Variants in SLC35F4 observed in about 807,000 individuals in gnomAD.
SLC35F4 encodes chromosome 14 open reading frame 36.
A neutral mutation model predicts 44.2 loss-of-function variants in SLC35F4; 24 were observed. That is an observed-to-expected ratio of 0.54 (90% CI 0.39 to 0.76). The LOEUF is 0.76. SLC35F4 is among the 30% of genes least tolerant of loss of function. SLC35F4 has a pLI of 0.00. For synonymous variants in SLC35F4, 238 were observed against 223.6 expected (o/e 1.06, Z -0.57); for missense variants, 562 against 586.1 (o/e 0.96, Z 0.42).
intron 1 of SLC35F4, among the ~76,000 whole-genome samples, chr14:57,706,155 T>C (rs984374547): frequency 6.6e-6 from 1 of 152,204 alleles, no homozygotes; most frequent in African/African-American, 2.4e-5. Context: ...CTGTGAATGA[T>C]CGGTTACTAG....
intron 1 of SLC35F4, among the ~76,000 whole-genome samples, chr14:57,614,433 C>T (rs933636498): frequency 2.0e-5 from 3 of 152,150 alleles, no homozygotes; most frequent in South Asian, 4.1e-4. Flanking sequence ...ACAGGTAACC[C>T]ATTAGCATCA....
chr14:57,709,303 C>T (rs1594850864), intron 1 of SLC35F4, among the ~76,000 whole-genome samples: 1 of 152,262 alleles, frequency 6.6e-6, no homozygotes. Context: ...GACCAAGGAG[C>T]CCTCTGGTGG....
At chr14:57,593,692 T>C (rs1288223813) in intron 2 of SLC35F4, among the ~76,000 whole-genome samples, 3 of 152,212 alleles carry the variant, frequency 2.0e-5, no homozygotes, top group Admixed American at 1.3e-4. Context: ...CCAGGAGTCA[T>C]TGTCTAACCA....
chr14:57,925,356 T>G (rs1342621301), intron 1 of SLC35F4, among the ~76,000 whole-genome samples: 7 of 144,118 alleles, frequency 4.9e-5, no homozygotes, highest in Non-Finnish European at 1.5e-5. Flanking sequence ...CCCCAAATAA[T>G]GAAGAGTTTT....
At chr14:57,915,084 C>T (rs1889291951) in intron 1 of SLC35F4, among the ~76,000 whole-genome samples, 1 of 150,676 alleles carries the variant, frequency 6.6e-6, no homozygotes, top group Non-Finnish European at 1.5e-5. Flanking sequence ...AGGCTTACTG[C>T]TTGTACCTTC....
intron 1 of SLC35F4, among the ~76,000 whole-genome samples, chr14:57,788,530 C>T (rs569102819): frequency 5.9e-5 from 9 of 152,216 alleles, no homozygotes; most frequent in Non-Finnish European, 1.0e-4. Flanking sequence ...AAATGAGTCT[C>T]AATAAATTTA....
chr14:57,911,989 C>T (rs1691360929), intron 1 of SLC35F4, among the ~76,000 whole-genome samples: 1 of 151,700 alleles, frequency 6.6e-6, no homozygotes, highest in African/African-American at 2.4e-5. Flanking sequence ...TGTTTATTTC[C>T]TGTTGTATGA....
intron 1 of SLC35F4, among the ~76,000 whole-genome samples, chr14:57,920,834 A>T (rs1889426376): frequency 6.6e-6 from 1 of 152,232 alleles, no homozygotes; most frequent in Admixed American, 6.5e-5. Context: ...TCCCTTCCAC[A>T]TTGAGAGACT....
intron 1 of SLC35F4, among the ~76,000 whole-genome samples, chr14:57,878,674 CCTT>C (rs1888454242): frequency 1.3e-5 from 2 of 152,258 alleles, no homozygotes; most frequent in South Asian, 2.1e-4. Context: ...TCAAGAAAGT[CCTT>C]ATTTGTCTGT....
intron 1 of SLC35F4, among the ~76,000 whole-genome samples, chr14:57,968,326 A>G (rs1231790286): frequency 2.0e-5 from 3 of 152,240 alleles, no homozygotes; most frequent in Admixed American, 6.5e-5. Context: ...CTATTTTTAA[A>G]CATAGACAGT....
At chr14:57,803,523 T>C (rs542838520) in intron 1 of SLC35F4, among the ~76,000 whole-genome samples, 1 of 151,930 alleles carries the variant, frequency 6.6e-6, no homozygotes, top group Non-Finnish European at 1.5e-5. Flanking sequence ...TTATTTTTAT[T>C]TGCAGATGAC....
At chr14:57,868,624 C>T (rs541251573), upstream of SLC35F4, among the ~76,000 whole-genome samples, 1 of 152,072 alleles carries the variant, frequency 6.6e-6, no homozygotes, top group African/African-American at 2.4e-5. Context: ...TACAGGCACC[C>T]GACACCACGC....
chr14:57,566,550 C>T lies in SLC35F4; in HGVS notation c.1141G>A (p.Val381Met), dbSNP rs369927666. The T allele has an allele frequency of 2.3e-5, 37 of 1,599,998 alleles. No homozygotes were observed. The African/African-American group carries it at 4.5e-4, about 20-fold the overall frequency. Residue 381 changes from valine (V) to methionine (M), a missense_variant, in exon 7 of 8, where the codon GTG becomes ATG. Physicochemically the swap from Val to Met is conservative, Grantham distance 21. Coordinates refer to ENST00000556826, the MANE Select transcript of SLC35F4 (RefSeq NM_001306087.2). ...AGLWLAFNIL[V>M]NVGVVLTYPI... ...TATGTCAGCACCACCCCAACATTCA[C>T]CAGGATGTTGAAGGCTGTAAAATAG...
chr14:57,888,586 C>T lies in SLC35F4; in HGVS notation n.282+93327G>A, dbSNP rs115158484. Among the ~76,000 whole-genome samples, 731 of 152,172 alleles carry T rather than the reference C, an allele frequency of 4.8e-3. 7 individuals carry two copies. The highest frequency in any genetic ancestry group is 0.016 in the African/African-American group (674 of 41,502). On this transcript the variant is annotated intron_variant and non_coding_transcript_variant, in intron 1 of 1. Transcript: ENST00000556568. ...CAATAACGACCAGTTGTTGCTATTACGTTATTATTATCATTATTACTATCA... is the reference window on the plus strand; with the variant it reads ...CAATAACGACCAGTTGTTGCTATTATGTTATTATTATCATTATTACTATCA...
intron 1 of SLC35F4, among the ~76,000 whole-genome samples, chr14:57,956,015 G>T (rs1183010566): frequency 6.6e-6 from 1 of 152,054 alleles, no homozygotes; most frequent in Non-Finnish European, 1.5e-5. Context: ...AAAGCTGGAG[G>T]CATCACACTA....
At chr14:57,932,775 G>A (rs1254175511) in intron 1 of SLC35F4, among the ~76,000 whole-genome samples, 1 of 152,096 alleles carries the variant, frequency 6.6e-6, no homozygotes, top group East Asian at 1.9e-4. Flanking sequence ...CTTGAATCCA[G>A]GGGGCAGAGG....
chr14:57,870,224 G>T (rs1193391466), upstream of SLC35F4, among the ~76,000 whole-genome samples: 2 of 151,664 alleles, frequency 1.3e-5, no homozygotes, highest in Admixed American at 6.6e-5. Flanking sequence ...CTGAGTCTGT[G>T]TGTGTCTGTC....
chr14:57,980,159 A>G (rs1404507318), intron 1 of SLC35F4, among the ~76,000 whole-genome samples: 1 of 152,196 alleles, frequency 6.6e-6, no homozygotes, highest in Non-Finnish European at 1.5e-5. Context: ...AAATGGGATC[A>G]TATTGTAATA....
At chr14:57,937,063 G>C (rs1427884191) in intron 1 of SLC35F4, among the ~76,000 whole-genome samples, 1 of 41,354 alleles carries the variant, frequency 2.4e-5, no homozygotes, top group Non-Finnish European at 6.0e-5. Context: ...TATTTTACCT[G>C]CTTTTTTTTT....
Sources: gnomAD v4.1 joint callset for allele counts (sites outside exome capture counted in the v4.1 genomes callset) on GRCh38, gnomAD v4.1.1 for gene constraint, MANE v1.5 for transcripts, NCBI Gene and HGNC (gene_info 2026-07-23, HGNC 2026-07-21) for gene names.